Variants in FMNL2 observed in about 807,000 individuals in gnomAD.
FMNL2 encodes the protein formin like 2, also known as formin-like protein 2.
FMNL2 carries 51 observed loss-of-function variants against 130.2 expected under a neutral mutation model. That is an observed-to-expected ratio of 0.39 (90% CI 0.31 to 0.49). The LOEUF (loss-of-function observed/expected upper bound fraction) is 0.49, where lower values mean the gene tolerates loss of function less well. Among genes scored for constraint, FMNL2 ranks in the 20% least tolerant of loss-of-function variants. The pLI, the probability that FMNL2 is intolerant of heterozygous loss-of-function variation, is 0.85. For missense variants in FMNL2, 977 were observed against 1,316.2 expected (o/e 0.74, Z 3.99); for synonymous variants, 465 against 467.1 (o/e 1.00, Z 0.06).
At chr2:152,445,451 A>G (rs1047051174) in intron 1 of FMNL2, among the ~76,000 whole-genome samples, 3 of 152,222 alleles carry the variant, frequency 2.0e-5, no homozygotes, top group Non-Finnish European at 4.4e-5. Context: ...TGTGCCGAGT[A>G]ACCACTAGCT....
At chr2:152,355,204 A>C (rs531643940) in intron 1 of FMNL2, among the ~76,000 whole-genome samples, 10 of 152,228 alleles carry the variant, frequency 6.6e-5, no homozygotes, top group Admixed American at 6.5e-4. Flanking sequence ...TCTAATGCTC[A>C]TGATGGTAAC....
In FMNL2 at chr2:152,626,736, A is replaced by C. The variant is rs1681811049; in HGVS notation, c.2165+9A>C. The C allele has an allele frequency of 6.3e-7, 1 of 1,597,572 alleles. No homozygotes were observed. Among genetic ancestry groups the C allele is most frequent in the Admixed American group, 1.7e-5 (1 of 57,274 alleles). ...TGTAAAGCTATTCATGTGTAAGTTC[A>C]GGAAAATTATATTCTAGTTAGTTTA... is the stretch of plus-strand genomic sequence containing the variant. On this transcript the variant is annotated intron_variant, in intron 17 of 25. Coordinates refer to ENST00000288670, the MANE Select transcript of FMNL2 (RefSeq NM_052905.4).
chr2:152,572,307 A>G (rs570761182), intron 6 of FMNL2, among the ~76,000 whole-genome samples: 1 of 152,308 alleles, frequency 6.6e-6, no homozygotes, highest in South Asian at 2.1e-4. Flanking sequence ...CATAAACAAT[A>G]GGTACTTAGT....
intron 2 of FMNL2, among the ~76,000 whole-genome samples, chr2:152,525,550 T>C (rs1207203018): frequency 6.6e-6 from 1 of 152,198 alleles, no homozygotes; most frequent in African/African-American, 2.4e-5. Context: ...CTTTGCATAG[T>C]AGCCTTGGGG....
At chr2:152,376,144 C>T (rs1335047082) in intron 1 of FMNL2, among the ~76,000 whole-genome samples, 1 of 152,068 alleles carries the variant, frequency 6.6e-6, no homozygotes, top group Non-Finnish European at 1.5e-5. Flanking sequence ...TCCAACCCCC[C>T]TTGACCTCCC....
chr2:152,431,462 T>A (rs1278999742), intron 1 of FMNL2, among the ~76,000 whole-genome samples: 1 of 152,208 alleles, frequency 6.6e-6, no homozygotes, highest in African/African-American at 2.4e-5. Context: ...ATTAACTTCT[T>A]TATGGATCAC....
chr2:152,508,680 A>T (rs1011868319), intron 1 of FMNL2, among the ~76,000 whole-genome samples: 9 of 152,184 alleles, frequency 5.9e-5, no homozygotes, highest in African/African-American at 1.9e-4. Context: ...GGAGAAGCAT[A>T]ACACTGCTTT....
intron 1 of FMNL2, among the ~76,000 whole-genome samples, chr2:152,459,298 A>G (rs1232719726): frequency 6.6e-6 from 1 of 152,206 alleles, no homozygotes; most frequent in Admixed American, 6.5e-5. Flanking sequence ...CACTGAACCA[A>G]GCATTTTTGG....
chr2:152,477,049 A>G (rs1256110006), intron 1 of FMNL2, among the ~76,000 whole-genome samples: 1 of 152,216 alleles, frequency 6.6e-6, no homozygotes, highest in Non-Finnish European at 1.5e-5. Flanking sequence ...AATGCATGAA[A>G]ATGCCCTTGG....
chr2:152,625,820 C>T (rs998008448), intron 16 of FMNL2, among the ~76,000 whole-genome samples: 1 of 152,086 alleles, frequency 6.6e-6, no homozygotes, highest in African/African-American at 2.4e-5. Flanking sequence ...GAATATAGAT[C>T]TGACATAATA....
Position 152,634,033 on chromosome 2 carries a change from A to ACATCACACTCACATT in FMNL2, c.2680+1898_2680+1899insTCACACTCACATTCA, listed in dbSNP as rs1431872935. On this transcript the variant is annotated intron_variant, in intron 21 of 25. Transcript: ENST00000288670. ...GTATTAGAGAATCAAGGATGATAAG[A>ACATCACACTCACATT]CAGTGTGAGTCTACTGAGGGAAAAA... Among the ~76,000 whole-genome samples, 3 of 152,334 alleles carry ACATCACACTCACATT rather than the reference A, an allele frequency of 2.0e-5. No individual in the cohort carries two copies. In the East Asian group the frequency reaches 5.8e-4, roughly 29 times the overall value.
chr2:152,607,174 CAT>C (rs1201429299), intron 9 of FMNL2, among the ~76,000 whole-genome samples, 163 bp from the exon 10 acceptor site: 1 of 151,980 alleles, frequency 6.6e-6, no homozygotes, highest in Non-Finnish European at 1.5e-5. Flanking sequence ...GGTTGCAGCT[CAT>C]ATGGCTGTTT....
intron 1 of FMNL2, among the ~76,000 whole-genome samples, chr2:152,440,046 A>G (rs1188027700): frequency 3.3e-5 from 5 of 151,966 alleles, no homozygotes; most frequent in Non-Finnish European, 7.4e-5. Context: ...ACAAAATGAG[A>G]AGTGGACGTG....
intron 9 of FMNL2, among the ~76,000 whole-genome samples, chr2:152,591,037 C>T (rs1416529711): frequency 9.6e-6 from 1 of 104,038 alleles, no homozygotes; most frequent in Admixed American, 1.3e-4. Flanking sequence ...GACAGCATCT[C>T]ACTCTGTCAC....
In FMNL2 at chr2:152,556,502, G is replaced by A. The variant is rs1695212690; in HGVS notation, c.360-2238G>A. On this transcript the variant is annotated intron_variant, in intron 4 of 25. Coordinates refer to ENST00000288670, the MANE Select transcript of FMNL2 (RefSeq NM_052905.4). ...TGATGGGGGCATGGATAAGGACTCT[G>A]AAGTGAAGTAAGAGGAGCCAATGAG... Among the ~76,000 whole-genome samples, 9 of 152,196 alleles carry A rather than the reference G, an allele frequency of 5.9e-5. No individual in the cohort carries two copies. In the South Asian group the frequency reaches 1.9e-3, roughly 31 times the overall value.
At chr2:152,614,102 CCTT>C (rs1194044622) in intron 11 of FMNL2, among the ~76,000 whole-genome samples, 1 of 152,204 alleles carries the variant, frequency 6.6e-6, no homozygotes, top group East Asian at 1.9e-4. Flanking sequence ...TCTCGCCTAA[CCTT>C]CTTCCCCTAC....
chr2:152,571,876 G>T (rs900893181), intron 6 of FMNL2, among the ~76,000 whole-genome samples: 7 of 143,718 alleles, frequency 4.9e-5, no homozygotes, highest in Admixed American at 1.4e-4. Context: ...AATGTTAATT[G>T]GTGACGGATT....
Position 152,568,125 on chromosome 2 carries a change from T to C in FMNL2, c.597-7011T>C, listed in dbSNP as rs1007740505. The stretch of plus-strand genomic sequence containing the variant: ...TCACATACTAGAATAAGTCTAAATG[T>C]CTAGAAATAAGTGTATATTGTTGAG... On this transcript the variant is annotated intron_variant, in intron 6 of 25. Transcript: ENST00000288670. 3.3e-5 allele frequency among the ~76,000 whole-genome samples: 5 copies of C among 152,216 alleles called. No homozygotes were observed. The South Asian group carries it at 1.0e-3, about 32-fold the overall frequency.
In FMNL2 at chr2:152,495,725, A is replaced by C. The variant is rs574090648; in HGVS notation, c.118-26218A>C. Among the ~76,000 whole-genome samples the C allele has an allele frequency of 5.4e-5, 8 of 147,982 alleles. No homozygotes were observed. The East Asian group carries it at 1.6e-3, about 30-fold the overall frequency. On this transcript the variant is annotated intron_variant, in intron 1 of 25. Transcript: ENST00000288670. ...TCCTAGTTGAGAGGACAGGATACAC[A>C]TACACACACACTTCCCTACCTGCCT...
Sources: allele counts gnomAD v4.1 joint callset (sites outside exome capture counted in the v4.1 genomes callset), GRCh38; gene constraint gnomAD v4.1.1; transcripts MANE v1.5; gene names NCBI Gene and HGNC (gene_info 2026-07-23, HGNC 2026-07-21).